The following CORIN variants were observed in gnomAD, a reference collection of about 807,000 sequenced individuals.
CORIN encodes the protein corin, serine peptidase.
Under a neutral mutation model 125.3 loss-of-function variants are expected in CORIN, and 117 were observed. The ratio of observed to expected loss-of-function variants is 0.93; its 90% CI spans 0.80 to 1.09. CORIN has a LOEUF of 1.09. Among genes scored for constraint, CORIN ranks in the 50% least tolerant of loss-of-function variants. The pLI is 0.00. For missense variants in CORIN, 1,253 were observed against 1,306.7 expected, an observed-to-expected ratio of 0.96 and a Z score of 0.63; for synonymous variants, 450 against 466.4, an observed-to-expected ratio of 0.96 and a Z score of 0.45.
At chr4:47,683,679 A>G in intron 7 of CORIN, 52 bp downstream of exon 7, 1 of 1,351,180 alleles carries the variant, frequency 7.4e-7, no homozygotes, top group Non-Finnish European at 1.0e-6. Context: ...GTTTTTGGTT[A>G]TAAATTTCTA....
chr4:47,627,431 G>A (rs1257191938), intron 16 of CORIN, among the ~76,000 whole-genome samples: 3 of 152,126 alleles, frequency 2.0e-5, no homozygotes, highest in Non-Finnish European at 2.9e-5. Flanking sequence ...AAAAACACAA[G>A]AGTATTTCAT....
At chr4:47,626,332 T>C (rs1280453367) in intron 17 of CORIN, 73 bp downstream of exon 17, 7 of 906,702 alleles carry the variant, frequency 7.7e-6, no homozygotes, top group Non-Finnish European at 1.1e-5. Flanking sequence ...AGTTAAAAAA[T>C]GGAAGAAAGG....
At chr4:47,785,517 A>AT (rs200471999) in intron 3 of CORIN, among the ~76,000 whole-genome samples, 24,139 of 148,616 alleles carry the variant, frequency 0.16, 2,179 homozygotes, top group East Asian at 0.29. Context: ...TCAAGGTGTG[A>AT]TTTTTTTTTT....
chr4:47,674,447 C>T lies in CORIN; in HGVS notation c.1303G>A (p.Asp435Asn). ...DQRCLYNPCL[D>N]SCGGSSLCDP... ...CAGAGAGAGCTACCACCACATGAAT[C>T]AAGGCAGGGATTGTAGAGGCATCTT... Residue 435 changes from aspartate (D) to asparagine (N), a missense_variant, in exon 10 of 22, where the codon GAT becomes AAT. By Grantham distance (23) the Asp-to-Asn change is conservative. Transcript: ENST00000273857. The T allele has an allele frequency of 6.2e-7, 1 of 1,614,062 alleles. No individual in the cohort carries two copies. The highest frequency in any genetic ancestry group is 2.2e-5 in the East Asian group (1 of 44,868).
intron 16 of CORIN, among the ~76,000 whole-genome samples, chr4:47,631,379 A>G (rs1395900859): frequency 6.6e-6 from 1 of 152,050 alleles, no homozygotes; most frequent in South Asian, 2.1e-4. Flanking sequence ...CTCCTGTCCA[A>G]TTAGTGGCCT....
At chr4:47,803,657 A>G (rs552298201) in intron 2 of CORIN, among the ~76,000 whole-genome samples, 4 of 152,388 alleles carry the variant, frequency 2.6e-5, no homozygotes, top group Non-Finnish European at 5.9e-5. Flanking sequence ...ATCCACATGC[A>G]GAAGAATAAA....
intron 1 of CORIN, among the ~76,000 whole-genome samples, chr4:47,812,588 TACC>T (rs1389699540): frequency 6.6e-6 from 1 of 152,090 alleles, no homozygotes; most frequent in Non-Finnish European, 1.5e-5. Context: ...GCTGAAAGAG[TACC>T]ACAACATGCA....
chr4:47,726,633 C>T (rs913417816), intron 5 of CORIN, among the ~76,000 whole-genome samples: 1 of 151,980 alleles, frequency 6.6e-6, no homozygotes, highest in Non-Finnish European at 1.5e-5. Context: ...TTACAAATAT[C>T]TATGCATGTG....
intron 13 of CORIN, among the ~76,000 whole-genome samples, chr4:47,649,378 C>T (rs1723636642): frequency 6.6e-6 from 1 of 152,228 alleles, no homozygotes; most frequent in Non-Finnish European, 1.5e-5. Context: ...CAGACCAGCC[C>T]ACTCTCTTTT....
intron 17 of CORIN, among the ~76,000 whole-genome samples, chr4:47,625,395 C>A (rs1722511785): frequency 6.6e-6 from 1 of 151,852 alleles, no homozygotes; most frequent in South Asian, 2.1e-4. Flanking sequence ...GGACTAGAAC[C>A]AAGTTTACCA....
At chr4:47,603,820 GC>G in intron 19 of CORIN, 152 bp from the exon 20 acceptor site, 3 of 818,978 alleles carry the variant, frequency 3.7e-6, no homozygotes, top group Non-Finnish European at 5.6e-6. Flanking sequence ...TTATATAATA[GC>G]CTGAGTGATT....
rs534196179 is a variant in CORIN, at chr4:47,601,202, C to T, written c.2813-855G>A. On this transcript the variant is annotated intron_variant, in intron 20 of 21. Transcript: ENST00000273857. The stretch of plus-strand genomic sequence containing the variant: ...TATTGGGCACTAGTGGGTCTCATTG[C>T]CTTTAATCTTTACAATACTCCTGTG... 8.4e-4 allele frequency among the ~76,000 whole-genome samples: 128 copies of T among 152,182 alleles called. 1 individual carries two copies. Among genetic ancestry groups the T allele is most frequent in the African/African-American group, 2.8e-3 (117 of 41,508 alleles).
At chr4:47,663,466 A>T (rs1724340775) in intron 11 of CORIN, among the ~76,000 whole-genome samples, 1 of 152,214 alleles carries the variant, frequency 6.6e-6, no homozygotes, top group Non-Finnish European at 1.5e-5. Flanking sequence ...TAGACACTGA[A>T]AATGAAAGAT....
chr4:47,632,255 T>A (rs1722834916), intron 16 of CORIN: 1 of 152,240 alleles, frequency 6.6e-6, no homozygotes, highest in African/African-American at 2.4e-5. Context: ...CTCTTCCATC[T>A]ATTGATGGGG....
At chr4:47,697,422 A>T (rs1300388533) in intron 5 of CORIN, among the ~76,000 whole-genome samples, 2 of 152,146 alleles carry the variant, frequency 1.3e-5, no homozygotes, top group Non-Finnish European at 2.9e-5. Flanking sequence ...TGAGTACAAA[A>T]GGAGTGAGGG....
At position 47,678,011 on chromosome 4, in the gene CORIN, AC is replaced by A; in HGVS notation, c.1175del (p.Cys392LeufsTer58). 1 of 1,614,080 alleles carries A rather than the reference AC, an allele frequency of 6.2e-7. No individual in the cohort carries two copies. Among genetic ancestry groups the A allele is most frequent in the Non-Finnish European group, 8.5e-7 (1 of 1,179,950 alleles). On this transcript the variant is annotated frameshift_variant, in exon 9 of 22. Coordinates refer to ENST00000273857, the MANE Select transcript of CORIN (RefSeq NM_006587.4). LOFTEE classifies it high-confidence loss of function. The stretch of plus-strand genomic sequence containing the variant: ...CATCACATTGAAACGTGCTGGGGAT[AC>A]ATTGTCCATTTCTGCATTCCACCAG... ...QGLVECRNGQ[C>X]IPSTFQCDGD...
intron 4 of CORIN, among the ~76,000 whole-genome samples, chr4:47,762,145 T>A (rs754519861): frequency 3.9e-5 from 6 of 152,158 alleles, no homozygotes; most frequent in Non-Finnish European, 7.3e-5. Context: ...TGTAGTATTC[T>A]TAAAAAATGC....
chr4:47,603,304 C>G lies in CORIN; in HGVS notation c.2812+93G>C, dbSNP rs1721519677. ...CTGAGGCCTCCCCATCCCTGCAGAA[C>G]TGTGAATCAATTAAACTTCTTTCCT... On this transcript the variant is annotated intron_variant, in intron 20 of 21. Transcript: ENST00000273857. 2.2e-6 allele frequency: 3 copies of G among 1,355,024 alleles called. No homozygotes were observed. The South Asian group carries it at 4.0e-5, about 18-fold the overall frequency. The allele number at this position is 1,355,024 out of a possible 1,614,324, so 83.9% of individuals were successfully genotyped here.
At chr4:47,754,578 A>T (rs1210043846) in intron 4 of CORIN, among the ~76,000 whole-genome samples, 1 of 152,040 alleles carries the variant, frequency 6.6e-6, no homozygotes, top group Non-Finnish European at 1.5e-5. Flanking sequence ...TAACACCTAG[A>T]GCCTGAAATT....
Sources: gnomAD v4.1 joint callset for allele counts (sites outside exome capture counted in the v4.1 genomes callset) on GRCh38, gnomAD v4.1.1 for gene constraint, MANE v1.5 for transcripts, NCBI Gene and HGNC (gene_info 2026-07-23, HGNC 2026-07-21) for gene names.